Variants in PLLP observed in about 807,000 individuals in gnomAD.
PLLP encodes the protein plasmolipin.
A neutral mutation model predicts 19.7 loss-of-function variants in PLLP; 15 were observed. The ratio of observed to expected loss-of-function variants is 0.76; its 90% CI spans 0.51 to 1.17. The LOEUF is 1.17. Among genes scored for constraint, PLLP ranks in the 50% most tolerant of loss-of-function variants. The pLI, the probability that PLLP is intolerant of heterozygous loss-of-function variation, is 0.00. For synonymous variants in PLLP, 111 were observed against 116.3 expected, an observed-to-expected ratio of 0.95 and a Z score of 0.29; for missense variants, 255 against 258.3, an observed-to-expected ratio of 0.99 and a Z score of 0.09.
rs1413120131 is a variant in PLLP at position 57,262,062 on chromosome 16, C to T, written c.144G>A (p.Gly48=). Residue 48 remains glycine (G), a synonymous_variant, in exon 2 of 4, where the codon GGG becomes GGA. Transcript: ENST00000219207. ...CCGCAATCAGCGCCCACACCAGCAG[C>T]CCCAGCACCTAGGAGGGTCAGACAA... ...GALMLLQLVL[G]LLVWALIADT... The T allele has an allele frequency of 6.2e-7, 1 of 1,614,078 alleles. No homozygotes were observed. The highest frequency in any genetic ancestry group is 1.3e-5 in the African/African-American group (1 of 74,948).
At position 57,261,946 on chromosome 16, in the gene PLLP, T is replaced by C; in HGVS notation, c.260A>G (p.Tyr87Cys). The C allele has an allele frequency of 1.9e-6, 3 of 1,613,234 alleles. No homozygotes were observed. The highest frequency in any genetic ancestry group is 1.7e-6 in the Non-Finnish European group (2 of 1,179,784). The change falls in exon 2 of 4, where the codon TAC (tyrosine) becomes TGC (cysteine). Residue 87 changes from tyrosine (Y) to cysteine (C), a missense_variant. Tyr to Cys is a radical substitution (Grantham distance 194). Coordinates refer to ENST00000219207, the MANE Select transcript of PLLP (RefSeq NM_015993.3). ...CAACTTCATGTGCAGCTGAAACAGGTAGAGGTTGAAGAGGACGATTGTCAC... is the reference window on the plus strand; with the variant it reads ...CAACTTCATGTGCAGCTGAAACAGGCAGAGGTTGAAGAGGACGATTGTCAC... ...WLVTIVLFNLYLFQLHMKLYM... is the reference protein window; with the variant it reads ...WLVTIVLFNLCLFQLHMKLYM...
intron 1 of PLLP, among the ~76,000 whole-genome samples, chr16:57,270,065 G>A (rs1048552066): frequency 6.6e-6 from 1 of 152,136 alleles, no homozygotes; most frequent in Non-Finnish European, 1.5e-5. Flanking sequence ...CACTGCACCT[G>A]GCAAAAATCA....
chr16:57,275,763 C>T (rs1901146207), intron 1 of PLLP, among the ~76,000 whole-genome samples: 1 of 151,808 alleles, frequency 6.6e-6, no homozygotes, highest in Admixed American at 6.6e-5. Context: ...CAAAGACCAA[C>T]CACACTCAGT....
chr16:57,273,259 CAAA>C (rs113609632), intron 1 of PLLP, among the ~76,000 whole-genome samples: 1 of 142,752 alleles, frequency 7.0e-6, no homozygotes, highest in East Asian at 2.0e-4. Context: ...GACTCCATCT[CAAA>C]AAAAAAAAAG....
intron 1 of PLLP, among the ~76,000 whole-genome samples, chr16:57,275,868 C>T (rs981011559): frequency 6.0e-4 from 92 of 152,338 alleles, no homozygotes; most frequent in Non-Finnish European, 2.9e-5. Context: ...ATAATTTCAG[C>T]ACTTTGGGAG....
intron 1 of PLLP, among the ~76,000 whole-genome samples, chr16:57,273,059 C>A (rs1901096460): frequency 6.6e-6 from 1 of 151,786 alleles, no homozygotes; most frequent in Non-Finnish European, 1.5e-5. Flanking sequence ...GAGATCGAGA[C>A]CATCCTGGCT....
chr16:57,281,834 C>CTAAAA (rs1901223501), intron 1 of PLLP, among the ~76,000 whole-genome samples: 1 of 152,078 alleles, frequency 6.6e-6, no homozygotes, highest in Non-Finnish European at 1.5e-5. Flanking sequence ...TTCTAAGGCA[C>CTAAAA]TAAAATGTGC....
At position 57,256,809 on chromosome 16, in the gene PLLP, G is replaced by T; in HGVS notation, c.*104C>A. ...GAGAGGAGCAAATGCAGTCCCTGTT[G>T]GGCTGACTCCACGCAGGGCTCCCCA... On this transcript the variant is annotated 3_prime_UTR_variant, in exon 4 of 4. Coordinates refer to ENST00000219207, the MANE Select transcript of PLLP (RefSeq NM_015993.3). The T allele has an allele frequency of 2.7e-6, 2 of 740,508 alleles. No individual in the cohort carries two copies. The highest frequency in any genetic ancestry group is 2.5e-5 in the East Asian group (1 of 40,196). 45.9% of individuals were successfully genotyped at this position (740,508 alleles called of 1,614,324 possible).
intron 1 of PLLP, among the ~76,000 whole-genome samples, chr16:57,282,434 G>C (rs139164875): frequency 0.012 from 1,796 of 151,216 alleles, 32 homozygotes; most frequent in African/African-American, 0.042. Flanking sequence ...TTTTTGTAGA[G>C]ACAGGGTCTC....
intron 1 of PLLP, among the ~76,000 whole-genome samples, chr16:57,282,864 C>A (rs764141956): frequency 2.0e-5 from 3 of 152,180 alleles, no homozygotes; most frequent in Non-Finnish European, 4.4e-5. Context: ...CTCCAACAAG[C>A]CTTCCTGGTC....
At position 57,272,819 on chromosome 16, in the gene PLLP, A is replaced by G. The variant is rs552026572; in HGVS notation, c.136-10749T>C. 3.3e-4 allele frequency among the ~76,000 whole-genome samples: 50 copies of G among 152,206 alleles called. No individual in the cohort carries two copies. The South Asian group carries it at 9.9e-3, about 30-fold the overall frequency. On this transcript the variant is annotated intron_variant, in intron 1 of 3. Transcript: ENST00000219207. Reference sequence around the variant, plus strand: ...AAAACAAAAACAAAATTAGCCAGGCATGGGGTGCATGCCTGTGGTCCCAGC... The same window carrying G: ...AAAACAAAAACAAAATTAGCCAGGCGTGGGGTGCATGCCTGTGGTCCCAGC...
At chr16:57,278,636 A>C (rs1241062794) in intron 1 of PLLP, among the ~76,000 whole-genome samples, 1 of 152,132 alleles carries the variant, frequency 6.6e-6, no homozygotes, top group Non-Finnish European at 1.5e-5. Flanking sequence ...AATACAAGGC[A>C]TTTATTGCTC....
intron 1 of PLLP, among the ~76,000 whole-genome samples, chr16:57,275,603 C>CAAAAAAAAAAAAAAAATAAAAAA (rs34400512): frequency 4.5e-5 from 1 of 22,316 alleles, no homozygotes; most frequent in Non-Finnish European, 9.2e-5. Context: ...AGAAATTCAG[C>CAAAAAAAAAAAAAAAATAAAAAA]AAAAAAAAAA....
intron 1 of PLLP, among the ~76,000 whole-genome samples, chr16:57,274,432 A>T (rs1200643221): frequency 6.6e-6 from 1 of 152,166 alleles, no homozygotes; most frequent in African/African-American, 2.4e-5. Flanking sequence ...CAACTTCTGG[A>T]GGCAACCAAG....
At chr16:57,264,440 C>T (rs76143646) in intron 1 of PLLP, among the ~76,000 whole-genome samples, 2,684 of 152,322 alleles carry the variant, frequency 0.018, 35 homozygotes, top group Non-Finnish European at 0.028. Context: ...CAACAGTGCC[C>T]GACACATAAT....
At chr16:57,258,632 CAAAG>C in intron 2 of PLLP, 48 bp from the exon 3 acceptor site, 1 of 1,595,180 alleles carries the variant, frequency 6.3e-7, no homozygotes, top group South Asian at 1.1e-5. Context: ...GCTTAAGACA[CAAAG>C]AGAGGCCAGA....
chr16:57,267,294 C>T (rs2075460610), intron 1 of PLLP, among the ~76,000 whole-genome samples: 1 of 152,304 alleles, frequency 6.6e-6, no homozygotes, highest in Middle Eastern at 3.4e-3. Context: ...TCTGGCCAGG[C>T]GCAGTGGCTC....
intron 1 of PLLP, among the ~76,000 whole-genome samples, chr16:57,275,093 T>TCACACACACA (rs60029615): frequency 0.012 from 1,408 of 121,412 alleles, 14 homozygotes; most frequent in African/African-American, 0.035. Flanking sequence ...TCCAGGGACT[T>TCACACACACA]CACACACACA....
intron 2 of PLLP, among the ~76,000 whole-genome samples, chr16:57,259,405 T>G (rs1342151469): frequency 6.6e-6 from 1 of 152,158 alleles, no homozygotes; most frequent in African/African-American, 2.4e-5. Context: ...GGCCACATCC[T>G]AAGCTCAAGG....
Sources: allele counts gnomAD v4.1 joint callset (sites outside exome capture counted in the v4.1 genomes callset), GRCh38; gene constraint gnomAD v4.1.1; transcripts MANE v1.5; gene names NCBI Gene and HGNC (gene_info 2026-07-23, HGNC 2026-07-21).